Variants in GMNC observed in about 807,000 individuals in gnomAD.
GMNC encodes the protein geminin coiled-coil domain containing.
A neutral mutation model predicts 33.6 loss-of-function variants in GMNC; 16 were observed. The observed-to-expected ratio is 0.48, with a 90% CI of 0.32 to 0.72. GMNC has a LOEUF of 0.72. Ranked by LOEUF, GMNC falls within the 30% of genes least tolerant of loss-of-function variation. GMNC has a pLI of 0.03. For synonymous variants in GMNC, 156 were observed against 147.3 expected (o/e 1.06, Z -0.43); for missense variants, 393 against 388.9 (o/e 1.01, Z -0.09).
chr3:190,847,786 GTTAGGA>G (rs1379655595), downstream of GMNC, among the ~76,000 whole-genome samples: 1 of 152,142 alleles, frequency 6.6e-6, no homozygotes, highest in South Asian at 2.1e-4. Context: ...GGTTAGGAGG[GTTAGGA>G]TAGGCTCTTT....
chr3:190,846,693 C>A, the GMNC span, among the ~76,000 whole-genome samples: 2 of 152,092 alleles, frequency 1.3e-5, no homozygotes, highest in Non-Finnish European at 2.9e-5. Flanking sequence ...AAAGCCTACT[C>A]TATTTATTTG....
At chr3:190,848,414 G>T (rs1481702173), downstream of GMNC, among the ~76,000 whole-genome samples, 2 of 152,068 alleles carry the variant, frequency 1.3e-5, no homozygotes, top group Non-Finnish European at 2.9e-5. Flanking sequence ...TATATCCAAA[G>T]CATTTTTCTG....
the GMNC span, among the ~76,000 whole-genome samples, chr3:190,844,882 T>C: frequency 1.3e-5 from 2 of 152,178 alleles, no homozygotes; most frequent in Admixed American, 1.3e-4. Flanking sequence ...AAAGGAGGGA[T>C]TGATAAATTA....
Position 190,862,694 on chromosome 3 carries a change from T to G in GMNC, c.-79A>C, listed in dbSNP as rs1304376971. On this transcript the variant is annotated 5_prime_UTR_variant, in exon 1 of 5. Coordinates refer to ENST00000442080, the MANE Select transcript of GMNC (RefSeq NM_001146686.3). The surrounding 1 kb of genome is among the most constrained non-coding windows in gnomAD (Gnocchi z 4.5). Reference sequence around the variant, plus strand: ...AACCAGTGGGAGCTTTAAATGAGACTGAGGGGAGGAGCTAGGAGAGGCGAG... The same window carrying G: ...AACCAGTGGGAGCTTTAAATGAGACGGAGGGGAGGAGCTAGGAGAGGCGAG... The G allele has an allele frequency of 8.4e-6, 13 of 1,544,272 alleles. No homozygotes were observed. Among genetic ancestry groups the G allele is most frequent in the Non-Finnish European group, 1.1e-5 (13 of 1,140,304 alleles).
downstream of GMNC, among the ~76,000 whole-genome samples, chr3:190,848,768 C>T (rs1737588899): frequency 6.6e-6 from 1 of 152,134 alleles, no homozygotes; most frequent in African/African-American, 2.4e-5. Flanking sequence ...AGGACAAACA[C>T]TATTACCTCC....
At chr3:190,857,685 T>G (rs763962502) in intron 4 of GMNC, 98 bp downstream of exon 4, 6 of 640,148 alleles carry the variant, frequency 9.4e-6, no homozygotes, top group Non-Finnish European at 1.7e-5. Context: ...TAAATGCATA[T>G]CAAGATACAC....
At chr3:190,856,798 T>C (rs1049376170) in intron 4 of GMNC, among the ~76,000 whole-genome samples, 7 of 151,870 alleles carry the variant, frequency 4.6e-5, no homozygotes, top group Non-Finnish European at 1.0e-4. Flanking sequence ...ATTCTAAATA[T>C]TGGAAAATTA....
chr3:190,856,414 TTAA>T (rs1163815789), intron 4 of GMNC, among the ~76,000 whole-genome samples: 3 of 144,322 alleles, frequency 2.1e-5, no homozygotes, highest in African/African-American at 7.5e-5. Context: ...TATAAATATA[TTAA>T]TAAATATTAA....
chr3:190,849,908 T>G (rs921616100), downstream of GMNC, among the ~76,000 whole-genome samples: 3 of 152,256 alleles, frequency 2.0e-5, no homozygotes, highest in Non-Finnish European at 2.9e-5. Context: ...AAATTTATTT[T>G]CCGTATTAAA....
chr3:190,860,717 T>C lies in GMNC; in HGVS notation c.145A>G (p.Asn49Asp), dbSNP rs1291941736. 2 of 1,551,208 alleles carry C rather than the reference T, an allele frequency of 1.3e-6. No individual in the cohort carries two copies. Among genetic ancestry groups the C allele is most frequent in the East Asian group, 4.9e-5 (2 of 40,924 alleles). Residue 49 changes from asparagine (N) to aspartate (D), a missense_variant, in exon 2 of 5, where the codon AAC becomes GAC. Transcript: ENST00000442080. ...TGTGGTGCTTGTTGGAGCTCTCTGTTGTCCAGGAGACCAGCAGCCCAGAAA... is the reference window on the plus strand; with the variant it reads ...TGTGGTGCTTGTTGGAGCTCTCTGTCGTCCAGGAGACCAGCAGCCCAGAAA... ...VSFWAAGLLD[N>D]RELQQAPQAQ...
In GMNC at chr3:190,862,362, A is replaced by AGAGAGAGAGAG. The variant is rs1553787646; in HGVS notation, c.3+250_3+251insCTCTCTCTCTC. 5.4e-5 allele frequency among the ~76,000 whole-genome samples: 8 copies of AGAGAGAGAGAG among 147,548 alleles called. No individual in the cohort carries two copies. The highest frequency in any genetic ancestry group is 2.0e-4 in the African/African-American group (8 of 40,256). ...AAGTAAGGAAAGTAGTAATAACAGA[A>AGAGAGAGAGAG]AGAGAGAGAGAGGGCGAGAGAGAGA... On this transcript the variant is annotated intron_variant, in intron 1 of 4. Coordinates refer to ENST00000442080, the MANE Select transcript of GMNC (RefSeq NM_001146686.3). This position sits in a 1 kb window ranked among gnomAD's most constrained non-coding sequence, Gnocchi z 4.5.
At chr3:190,856,309 AT>A (rs1298112673) in intron 4 of GMNC, among the ~76,000 whole-genome samples, 2 of 118,038 alleles carry the variant, frequency 1.7e-5, no homozygotes, top group Non-Finnish European at 3.4e-5. Context: ...TAATACTTAT[AT>A]TTATTTATAA....
At chr3:190,852,234 T>G (rs968096761), downstream of GMNC, among the ~76,000 whole-genome samples, 4 of 152,162 alleles carry the variant, frequency 2.6e-5, no homozygotes, top group Admixed American at 1.3e-4. Flanking sequence ...TCCACATCTA[T>G]GCTACAGGTG....
rs1737843428 is a variant in GMNC at position 190,860,724 on chromosome 3, G to C, written c.138C>G (p.Leu46=). The C allele has an allele frequency of 3.2e-6, 5 of 1,551,422 alleles. No individual in the cohort carries two copies. The East Asian group carries it at 1.2e-4, about 38-fold the overall frequency. Residue 46 remains leucine (L), a synonymous_variant, in exon 2 of 5, where the codon CTC becomes CTG. Coordinates refer to ENST00000442080, the MANE Select transcript of GMNC (RefSeq NM_001146686.3). The stretch of plus-strand genomic sequence containing the variant: ...CTTGTTGGAGCTCTCTGTTGTCCAG[G>C]AGACCAGCAGCCCAGAAAGAGACCC... ...ETWVSFWAAG[L]LDNRELQQAP...
At chr3:190,855,944 T>C in intron 4 of GMNC, 29 bp from the exon 5 acceptor site, 1 of 1,475,506 alleles carries the variant, frequency 6.8e-7, no homozygotes, top group Non-Finnish European at 9.0e-7. Context: ...AAAGTTATAC[T>C]TTTTTCATAT....
chr3:190,857,722 T>C, intron 4 of GMNC, 61 bp downstream of exon 4: 1 of 846,836 alleles, frequency 1.2e-6, no homozygotes, highest in Non-Finnish European at 2.0e-6. Context: ...TTTACATAAA[T>C]CATTTCCTTT....
At chr3:190,846,781 A>G in the GMNC span, among the ~76,000 whole-genome samples, 1 of 152,240 alleles carries the variant, frequency 6.6e-6, no homozygotes, top group Non-Finnish European at 1.5e-5. Flanking sequence ...AATACTAAGG[A>G]AAATTATCTT....
At chr3:190,856,185 T>A (rs940479879) in intron 4 of GMNC, among the ~76,000 whole-genome samples, 1 of 149,346 alleles carries the variant, frequency 6.7e-6, no homozygotes, top group Admixed American at 6.7e-5. Flanking sequence ...AATAGCACTA[T>A]CATTTATTAA....
chr3:190,859,922 G>T, intron 2 of GMNC: 1 of 372,728 alleles, frequency 2.7e-6, no homozygotes, highest in South Asian at 2.1e-5. Flanking sequence ...TTTTACTGTT[G>T]CTTGTAGTGG....
Sources: gnomAD v4.1 joint callset for allele counts (sites outside exome capture counted in the v4.1 genomes callset) on GRCh38, gnomAD v4.1.1 for gene constraint, Gnocchi (gnomAD v3.1) non-coding constraint, MANE v1.5 for transcripts, NCBI Gene and HGNC (gene_info 2026-07-23, HGNC 2026-07-21) for gene names.